POLR3A: variants seen among roughly 807,000 people sequenced by gnomAD.
POLR3A encodes the protein DNA-directed RNA polymerase III subunit RPC1.
POLR3A carries 112 observed loss-of-function variants against 152.8 expected under a neutral mutation model. The ratio of observed to expected loss-of-function variants is 0.73; its 90% CI spans 0.63 to 0.86. POLR3A has a LOEUF of 0.86. POLR3A is among the 40% of genes least tolerant of loss of function. The pLI, the probability that POLR3A is intolerant of heterozygous loss-of-function variation, is 0.00. For synonymous variants in POLR3A, 615 were observed against 652.1 expected, an observed-to-expected ratio of 0.94 and a Z score of 0.87; for missense variants, 1,385 against 1,743.1, an observed-to-expected ratio of 0.79 and a Z score of 3.66.
chr10:78,013,282 G>C (rs1314737061), intron 11 of POLR3A: 1 of 299,836 alleles, frequency 3.3e-6, no homozygotes, highest in Admixed American at 4.6e-5. Context: ...AATTTACTTA[G>C]GTAGGACATC....
At chr10:77,994,248 G>A (rs930478111) in intron 19 of POLR3A, among the ~76,000 whole-genome samples, 1 of 152,100 alleles carries the variant, frequency 6.6e-6, no homozygotes, top group African/African-American at 2.4e-5. Flanking sequence ...GATGATACAC[G>A]AGCTACAGGA....
At chr10:77,988,525 C>T (rs956017117) in intron 21 of POLR3A, among the ~76,000 whole-genome samples, 4 of 152,122 alleles carry the variant, frequency 2.6e-5, no homozygotes, top group African/African-American at 4.8e-5. Flanking sequence ...TTTATTAATT[C>T]GCAAGAACTT....
intron 11 of POLR3A, among the ~76,000 whole-genome samples, chr10:78,012,929 C>T (rs1024704721): frequency 3.3e-5 from 5 of 152,138 alleles, no homozygotes; most frequent in African/African-American, 1.2e-4. Flanking sequence ...GCCATGTTGT[C>T]CGGGCTGGTC....
intron 8 of POLR3A, chr10:78,020,040 G>C (rs926348868): frequency 6.6e-6 from 1 of 151,926 alleles, no homozygotes; most frequent in Non-Finnish European, 1.5e-5. Context: ...TGGGTGTGGT[G>C]GTGGGTGCCT....
At position 78,013,722 on chromosome 10, in the gene POLR3A, A is replaced by G. The variant is rs1250421316; in HGVS notation, c.1500T>C (p.Phe500=). 1 of 1,614,158 alleles carries G rather than the reference A, an allele frequency of 6.2e-7. No individual in the cohort carries two copies. Residue 500 remains phenylalanine, a synonymous_variant, in exon 11 of 31, where the codon TTT becomes TTC. Transcript: ENST00000372371. ...ECVCTPYNAD[F]DGDEMNLHLP... is the part of the protein sequence containing the mutation. ...GATGAAGGTTCATTTCATCACCATC[A>G]AAGTCAGCATTATAGGGTGTACAGA...
chr10:77,985,784 T>C, intron 23 of POLR3A, 119 bp downstream of exon 23: 1 of 785,582 alleles, frequency 1.3e-6, no homozygotes, highest in African/African-American at 1.7e-5. Context: ...TGACAGAATC[T>C]GATCAAATAC....
intron 10 of POLR3A, 147 bp downstream of exon 10, chr10:78,017,428 C>T (rs1053173285): frequency 2.6e-6 from 2 of 755,242 alleles, no homozygotes; most frequent in African/African-American, 3.6e-5. Flanking sequence ...ACCTGGGTGA[C>T]AGAGCAAGAG....
intron 11 of POLR3A, among the ~76,000 whole-genome samples, chr10:78,012,858 A>T (rs1296025128): frequency 1.3e-5 from 2 of 152,110 alleles, no homozygotes; most frequent in African/African-American, 4.8e-5. Flanking sequence ...AGTAGCTGGG[A>T]CTACAGGCGT....
chr10:78,019,536 G>A (rs1847557476), intron 8 of POLR3A: 4 of 510,320 alleles, frequency 7.8e-6, no homozygotes, highest in Non-Finnish European at 3.5e-6. Context: ...GGTAAAACGG[G>A]TAGGCTAGAC....
chr10:77,988,972 AC>A (rs1847222855), intron 21 of POLR3A, among the ~76,000 whole-genome samples: 1 of 152,176 alleles, frequency 6.6e-6, no homozygotes, highest in African/African-American at 2.4e-5. Context: ...AAATTAACAC[AC>A]CTAAAACAAT....
intron 1 of POLR3A, among the ~76,000 whole-genome samples, chr10:78,028,300 A>G (rs1306413652): frequency 6.6e-6 from 1 of 152,084 alleles, no homozygotes; most frequent in Admixed American, 6.6e-5. Context: ...TGAAAAAAGC[A>G]GTTTGGTCTG....
intron 2 of POLR3A, 116 bp downstream of exon 2, chr10:78,025,978 T>A: frequency 1.5e-6 from 2 of 1,334,700 alleles, no homozygotes; most frequent in Non-Finnish European, 2.1e-6. Flanking sequence ...TAGTCTAATA[T>A]GTGCAGGGGG....
intron 11 of POLR3A, 126 bp downstream of exon 11, chr10:78,013,524 G>A (rs776155215): frequency 3.5e-5 from 32 of 916,618 alleles, no homozygotes; most frequent in East Asian, 1.4e-4. Context: ...GTTAGTGGTC[G>A]GTTTAAGAAC....
At position 78,019,687 on chromosome 10, in the gene POLR3A, T is replaced by TA; in HGVS notation, c.1186-423dup. The TA allele has an allele frequency of 2.2e-5, 5 of 228,714 alleles. No homozygotes were observed. In the South Asian group the frequency reaches 3.2e-4, roughly 15 times the overall value. 14.2% of individuals were successfully genotyped at this position (228,714 alleles called of 1,614,324 possible). The stretch of plus-strand genomic sequence containing the variant: ...GCATTGAATGTGTTCTGGAACCTCT[T>TA]AAACAACTGTCTTGTGGAACACCAT... On this transcript the variant is annotated intron_variant, in intron 8 of 30. Transcript: ENST00000372371.
In POLR3A at chr10:77,985,886, G is replaced by C; in HGVS notation, c.3071+17C>G. 6.2e-7 allele frequency: 1 copy of C among 1,601,548 alleles called. No individual in the cohort carries two copies. The highest frequency in any genetic ancestry group is 1.1e-5 in the South Asian group (1 of 90,844). ...CCTATGTGGATGACCGTCAGTCCAA[G>C]ACAAAAGCATCCCTACCTCATGTAC... On this transcript the variant is annotated intron_variant, in intron 23 of 30. Transcript: ENST00000372371.
chr10:78,023,003 C>T (rs1847594777), intron 5 of POLR3A, among the ~76,000 whole-genome samples: 1 of 151,484 alleles, frequency 6.6e-6, no homozygotes, highest in Admixed American at 6.6e-5. Context: ...ACTAAAAATA[C>T]AAAAATTAGC....
At chr10:78,002,346 C>A in intron 16 of POLR3A, 38 bp from the exon 17 acceptor site, 1 of 1,263,022 alleles carries the variant, frequency 7.9e-7, no homozygotes, top group South Asian at 1.3e-5. Flanking sequence ...GGGTTGTCCT[C>A]ATTGTCTCTG....
intron 21 of POLR3A, among the ~76,000 whole-genome samples, chr10:77,986,710 A>G (rs1361121313): frequency 1.3e-5 from 2 of 151,788 alleles, no homozygotes; most frequent in Non-Finnish European, 2.9e-5. Flanking sequence ...TCTGGTAACC[A>G]CCTCTCCCCA....
chr10:78,022,281 A>G lies in POLR3A; in HGVS notation c.749T>C (p.Leu250Ser). The change falls in exon 6 of 31, where the codon TTG becomes TCG. Residue 250 changes from leucine to serine, a missense_variant. Physicochemically the swap from Leu to Ser is moderately radical, Grantham distance 145 (BLOSUM62 -2). This residue lies in a region of POLR3A where 493 missense variants were observed against 647.5 expected (regional missense o/e 0.76). Coordinates refer to ENST00000372371, the MANE Select transcript of POLR3A (RefSeq NM_007055.4). ...MNPEAGKPSD[L>S]ILTRLLVPPL... ...AGGCACCAAAAGTCGTGTGAGAATC[A>G]AATCAGACGGCTTTCCGGCTTCTGG... The G allele has an allele frequency of 6.2e-7, 1 of 1,614,236 alleles. No individual in the cohort carries two copies. The highest frequency in any genetic ancestry group is 1.1e-5 in the South Asian group (1 of 91,092).
Sources: allele counts gnomAD v4.1 joint callset (sites outside exome capture counted in the v4.1 genomes callset), GRCh38; gene constraint gnomAD v4.1.1; regional missense constraint gnomAD v4.1.1; transcripts MANE v1.5; gene names NCBI Gene and HGNC (gene_info 2026-07-23, HGNC 2026-07-21).